The following ATAD2B variants were observed in gnomAD, a reference collection of about 807,000 sequenced individuals.
ATAD2B encodes ATPase family AAA domain-containing protein 2B.
In ATAD2B, 40 loss-of-function variants were observed where a neutral mutation model predicts 167.6. The observed-to-expected ratio is 0.24, with a 90% CI of 0.19 to 0.31. The LOEUF is 0.31. Ranked by LOEUF, ATAD2B falls within the 10% of genes least tolerant of loss-of-function variation. The pLI, the probability that ATAD2B is intolerant of heterozygous loss-of-function variation, is 1.00. For missense variants in ATAD2B, 1,242 were observed against 1,757.2 expected (o/e 0.71, Z 5.24); for synonymous variants, 579 against 596.5 (o/e 0.97, Z 0.43).
chr2:23,870,361 A>T (rs1695766437), intron 8 of ATAD2B, among the ~76,000 whole-genome samples: 1 of 142,986 alleles, frequency 7.0e-6, no homozygotes, highest in Non-Finnish European at 1.5e-5. Flanking sequence ...GTCAGGGCTC[A>T]CTACAGCCTC....
At chr2:23,873,155 T>C (rs992226397) in intron 8 of ATAD2B, 45 of 351,496 alleles carry the variant, frequency 1.3e-4, no homozygotes, top group Non-Finnish European at 1.3e-4. Flanking sequence ...TCAGGAAAGT[T>C]CCCAAGTTTA....
chr2:23,715,414 A>C, the ATAD2B span, among the ~76,000 whole-genome samples: 1 of 152,062 alleles, frequency 6.6e-6, no homozygotes, highest in Non-Finnish European at 1.5e-5. Flanking sequence ...TCTACTAAAA[A>C]TACAAAAAAA....
intron 1 of ATAD2B, among the ~76,000 whole-genome samples, chr2:23,906,295 G>A (rs1558775712): frequency 6.6e-6 from 1 of 151,610 alleles, no homozygotes; most frequent in Non-Finnish European, 1.5e-5. Flanking sequence ...GAGCCGAGGT[G>A]GCACCACTGC....
At chr2:23,871,668 T>C (rs1291870675) in intron 8 of ATAD2B, among the ~76,000 whole-genome samples, 1 of 152,166 alleles carries the variant, frequency 6.6e-6, no homozygotes, top group Non-Finnish European at 1.5e-5. Flanking sequence ...TGTCAGTAAT[T>C]TACTTCAAGC....
intron 22 of ATAD2B, among the ~76,000 whole-genome samples, chr2:23,767,109 C>T (rs1677535203): frequency 1.3e-5 from 2 of 152,130 alleles, no homozygotes; most frequent in South Asian, 4.1e-4. Flanking sequence ...TTAACTTCCT[C>T]GTAAAGCAAC....
Position 23,751,131 on chromosome 2 carries a change from C to T in ATAD2B, c.*915G>A, listed in dbSNP as rs1000749898. ...TGACAGAAGAAAAAATGGCCACTAT[C>T]TATTTATTTTCTAGTCATCATTGTT... On this transcript the variant is annotated 3_prime_UTR_variant, in exon 28 of 28. Coordinates refer to ENST00000238789, the MANE Select transcript of ATAD2B (RefSeq NM_017552.4). 3 of 152,086 alleles carry T rather than the reference C, an allele frequency of 2.0e-5. No homozygotes were observed. Among genetic ancestry groups the T allele is most frequent in the African/African-American group, 7.2e-5 (3 of 41,426 alleles). The allele number at this position is 152,086 out of a possible 1,614,324, so 9.4% of individuals were successfully genotyped here. A position where few individuals can be genotyped will look rare whatever the true frequency, so the allele number is the denominator to read the frequency against.
chr2:23,708,147 C>T, the ATAD2B span: 1 of 152,224 alleles, frequency 6.6e-6, no homozygotes, highest in Admixed American at 6.5e-5. Flanking sequence ...TATTTGATGA[C>T]ACAAAATTCC....
At chr2:23,896,018 T>C (rs369062368) in intron 1 of ATAD2B, 48 bp from the exon 2 acceptor site, 27 of 1,498,818 alleles carry the variant, frequency 1.8e-5, no homozygotes, top group African/African-American at 8.4e-5. Flanking sequence ...TTAAGATAAA[T>C]AGAATTGTTA....
chr2:23,830,739 T>C (rs1465592220), intron 14 of ATAD2B, among the ~76,000 whole-genome samples: 4 of 152,102 alleles, frequency 2.6e-5, no homozygotes, highest in Non-Finnish European at 4.4e-5. Context: ...AAAAGAAATA[T>C]CAACCTAACA....
chr2:23,833,789 A>G, intron 14 of ATAD2B, 130 bp downstream of exon 14: 1 of 718,516 alleles, frequency 1.4e-6, no homozygotes, highest in Non-Finnish European at 2.2e-6. Flanking sequence ...TAGGTTTTTA[A>G]AGCATTAGCT....
At position 23,863,462 on chromosome 2, in the gene ATAD2B, A is replaced by C. The variant is rs1338928423; in HGVS notation, c.1398T>G (p.Ala466=). ...NECSQGDKKV[A]FFMRKGADCL... ...AATCTGCTCCTTTTCGCATAAAAAAAGCCACTTTTTTGTCTCCTTGGCTGC... is the reference window on the plus strand; with the variant it reads ...AATCTGCTCCTTTTCGCATAAAAAACGCCACTTTTTTGTCTCCTTGGCTGC... Residue 466 remains alanine, a synonymous_variant, in exon 12 of 28, where the codon GCT becomes GCG. Transcript: ENST00000238789. The C allele has an allele frequency of 3.9e-6, 6 of 1,554,430 alleles. No homozygotes were observed. The highest frequency in any genetic ancestry group is 5.2e-6 in the Non-Finnish European group (6 of 1,148,240).
Position 23,885,781 on chromosome 2 carries a change from C to A in ATAD2B, c.621G>T (p.Arg207=), listed in dbSNP as rs1404348243. ...LQEMDNINIR[R]NRRSGEVERL... is the part of the protein sequence containing the mutation. ...GTTCTACTTCTCCTGATCGACGATT[C>A]CGTCGGATGTTAATGTTGTCCATTT... The change falls in exon 5 of 28, where the codon CGG becomes CGT. Residue 207 remains arginine, a synonymous_variant. Coordinates refer to ENST00000238789, the MANE Select transcript of ATAD2B (RefSeq NM_017552.4). 6.3e-7 allele frequency: 1 copy of A among 1,597,928 alleles called. No homozygotes were observed. The highest frequency in any genetic ancestry group is 1.1e-5 in the South Asian group (1 of 88,282).
intron 7 of ATAD2B, among the ~76,000 whole-genome samples, chr2:23,877,454 A>G: frequency 7.0e-6 from 1 of 143,170 alleles, no homozygotes; most frequent in South Asian, 2.3e-4. Context: ...AGATCATGCC[A>G]CTGCACTCCA....
chr2:23,835,263 C>T (rs951527116), intron 13 of ATAD2B, among the ~76,000 whole-genome samples: 2 of 152,244 alleles, frequency 1.3e-5, no homozygotes, highest in African/African-American at 4.8e-5. Flanking sequence ...GTGGAAGAAA[C>T]CCAAAAGTCC....
At chr2:23,821,809 T>C (rs901883624) in intron 16 of ATAD2B, among the ~76,000 whole-genome samples, 9 of 152,070 alleles carry the variant, frequency 5.9e-5, no homozygotes, top group African/African-American at 9.7e-5. Context: ...TTAAATTTTA[T>C]TTATTTATTT....
chr2:23,841,264 T>C (rs1461653747), intron 13 of ATAD2B, among the ~76,000 whole-genome samples: 1 of 152,098 alleles, frequency 6.6e-6, no homozygotes, highest in African/African-American at 2.4e-5. Context: ...TCTAGTAAAC[T>C]GAACCTTTTA....
At chr2:23,792,067 CTT>C (rs140695924) in intron 19 of ATAD2B, among the ~76,000 whole-genome samples, 2 of 145,356 alleles carry the variant, frequency 1.4e-5, no homozygotes, top group Admixed American at 6.9e-5. Flanking sequence ...TAACAGCCAT[CTT>C]TTTTTTTTTT....
chr2:23,742,087 C>A, the ATAD2B span, among the ~76,000 whole-genome samples: 2 of 152,242 alleles, frequency 1.3e-5, no homozygotes, highest in East Asian at 3.9e-4. Flanking sequence ...GAAATAGGAA[C>A]ACTTTTACAC....
At chr2:23,876,617 T>G (rs1380192454) in intron 7 of ATAD2B, among the ~76,000 whole-genome samples, 2 of 152,100 alleles carry the variant, frequency 1.3e-5, no homozygotes, top group Non-Finnish European at 2.9e-5. Context: ...ACTTTTTAAA[T>G]AAAACCTAGT....
Sources: gnomAD v4.1 joint callset for allele counts (sites outside exome capture counted in the v4.1 genomes callset) on GRCh38, gnomAD v4.1.1 for gene constraint, MANE v1.5 for transcripts, NCBI Gene and HGNC (gene_info 2026-07-23, HGNC 2026-07-21) for gene names.